Variants in RUSC2 observed in about 807,000 individuals in gnomAD.
The protein encoded by RUSC2 is AP-4 complex accessory subunit RUSC2.
In RUSC2, 34 loss-of-function variants were observed where a neutral mutation model predicts 122.2. The observed-to-expected ratio is 0.28, with a 90% CI of 0.21 to 0.37. RUSC2 has a LOEUF of 0.37. RUSC2 is among the 10% of genes least tolerant of loss of function. RUSC2 has a pLI of 1.00. For synonymous variants in RUSC2, 784 were observed against 790.0 expected (o/e 0.99, Z 0.13); for missense variants, 1,747 against 1,952.4 (o/e 0.89, Z 1.98).
intron 1 of RUSC2, among the ~76,000 whole-genome samples, chr9:35,495,090 T>C (rs1820666628): frequency 1.6e-5 from 1 of 63,040 alleles, no homozygotes; most frequent in Non-Finnish European, 2.8e-5. Flanking sequence ...GTATATATTA[T>C]ATATACTATA....
At position 35,548,530 on chromosome 9, in the gene RUSC2, C is replaced by G. The variant is rs746737978; in HGVS notation, c.2009C>G (p.Ala670Gly). 1.9e-6 allele frequency: 3 copies of G among 1,609,706 alleles called. No individual in the cohort carries two copies. Among genetic ancestry groups the G allele is most frequent in the Non-Finnish European group, 2.5e-6 (3 of 1,178,642 alleles). Residue 670 changes from alanine (A) to glycine (G), a missense_variant, in exon 2 of 12, where the codon GCT (alanine) becomes GGT (glycine). By Grantham distance (60) the Ala-to-Gly change is moderately conservative (BLOSUM62 0). Coordinates refer to ENST00000361226, the MANE Select transcript of RUSC2 (RefSeq NM_014806.5). This position sits in a 1 kb window ranked among gnomAD's most constrained non-coding sequence, Gnocchi z 4.5. Reference sequence around the variant, plus strand: ...ACCCAGAGGGATGCAAGAGCTAGAGCTGACGGTAAGGAGCCTAAGGGTTAG... The same window carrying G: ...ACCCAGAGGGATGCAAGAGCTAGAGGTGACGGTAAGGAGCCTAAGGGTTAG... ...SHTQRDARARADGGGTESRPV... is the reference protein window; with the variant it reads ...SHTQRDARARGDGGGTESRPV...
At chr9:35,545,271 A>G (rs960995000) in intron 1 of RUSC2, among the ~76,000 whole-genome samples, 2 of 152,246 alleles carry the variant, frequency 1.3e-5, no homozygotes, top group Non-Finnish European at 2.9e-5. Context: ...ATTTAGACTC[A>G]GGGTGAGTGA....
At chr9:35,551,032 G>A (rs1821882600) in intron 2 of RUSC2, among the ~76,000 whole-genome samples, 1 of 152,026 alleles carries the variant, frequency 6.6e-6, no homozygotes, top group Non-Finnish European at 1.5e-5. Flanking sequence ...TTATGCCACT[G>A]CACTCCAGTC....
intron 1 of RUSC2, among the ~76,000 whole-genome samples, chr9:35,530,819 T>TA: frequency 6.6e-6 from 1 of 151,890 alleles, no homozygotes; most frequent in East Asian, 2.0e-4. Flanking sequence ...TTTGTATTTT[T>TA]GTAGAGACAG....
chr9:35,549,021 A>C lies in RUSC2; in HGVS notation c.2014+486A>C. ...CACTCCAGCCTGGGCAGACAGAGTG[A>C]GATTCTGTCTCAAAAAAAAAAAATA... On this transcript the variant is annotated intron_variant, in intron 2 of 11. Coordinates refer to ENST00000361226, the MANE Select transcript of RUSC2 (RefSeq NM_014806.5). The C allele has an allele frequency of 3.2e-6, 3 of 946,312 alleles. No individual in the cohort carries two copies. The African/African-American group carries it at 5.3e-5, about 17-fold the overall frequency. 58.6% of individuals were successfully genotyped at this position (946,312 alleles called of 1,614,324 possible).
intron 2 of RUSC2, among the ~76,000 whole-genome samples, chr9:35,550,848 C>T (rs577423290): frequency 1.3e-5 from 2 of 151,352 alleles, no homozygotes; most frequent in African/African-American, 4.9e-5. Context: ...GGCCGAGGTG[C>T]GCGGGTCACC....
At chr9:35,497,788 G>T (rs1032781635) in intron 1 of RUSC2, among the ~76,000 whole-genome samples, 2 of 152,194 alleles carry the variant, frequency 1.3e-5, no homozygotes, top group African/African-American at 2.4e-5. Flanking sequence ...TGCAGATTCA[G>T]TCTCCTCCTT....
intron 1 of RUSC2, among the ~76,000 whole-genome samples, chr9:35,515,324 A>T (rs932529422): frequency 6.6e-6 from 1 of 152,168 alleles, no homozygotes; most frequent in Non-Finnish European, 1.5e-5. Flanking sequence ...CTACCATGTA[A>T]AAGTGTCATA....
At chr9:35,542,197 G>T (rs959104223) in intron 1 of RUSC2, among the ~76,000 whole-genome samples, 1 of 152,074 alleles carries the variant, frequency 6.6e-6, no homozygotes, top group Non-Finnish European at 1.5e-5. Context: ...GATCAGAAAG[G>T]AATAAGATCT....
intron 1 of RUSC2, among the ~76,000 whole-genome samples, chr9:35,511,690 A>G (rs1039713381): frequency 2.0e-5 from 3 of 152,236 alleles, no homozygotes; most frequent in Admixed American, 6.5e-5. Flanking sequence ...AGTGACTACA[A>G]AGATGAAGAT....
chr9:35,517,650 G>A (rs72725064), intron 1 of RUSC2, among the ~76,000 whole-genome samples: 2,499 of 152,122 alleles, frequency 0.016, 32 homozygotes, highest in African/African-American at 0.033. Context: ...TTCCTATTTC[G>A]TCTGTTCCTC....
chr9:35,560,073 G>A lies in RUSC2; in HGVS notation c.3433G>A (p.Ala1145Thr), dbSNP rs1822111268. 1.9e-6 allele frequency: 3 copies of A among 1,613,454 alleles called. No individual in the cohort carries two copies. The highest frequency in any genetic ancestry group is 2.2e-5 in the South Asian group (2 of 91,054). The change falls in exon 10 of 12, where the codon GCT becomes ACT. Residue 1145 changes from alanine to threonine, a missense_variant. Coordinates refer to ENST00000361226, the MANE Select transcript of RUSC2 (RefSeq NM_014806.5). ...CCAGCCCTGGGGCTTCCTGAGTGCA[G>A]CTCATACCGTGTGTCCCGGCCTCTT... ...HYQPWGFLSAAHTVCPGLFEE... is the reference protein window; with the variant it reads ...HYQPWGFLSATHTVCPGLFEE...
At position 35,555,566 on chromosome 9, in the gene RUSC2, C is replaced by A; in HGVS notation, c.2521C>A (p.Leu841Met). The change falls in exon 3 of 12, where the codon CTG (leucine) becomes ATG (methionine). Residue 841 changes from leucine (L) to methionine (M), a missense_variant. Physicochemically the swap from Leu to Met is conservative, Grantham distance 15 (BLOSUM62 2). Coordinates refer to ENST00000361226, the MANE Select transcript of RUSC2 (RefSeq NM_014806.5). This position sits in a 1 kb window ranked among gnomAD's most constrained non-coding sequence, Gnocchi z 4.6. Reference sequence around the variant, plus strand: ...GCCGCAGAAGGAGGATCAGAAGATACTGACCTTGACTGAGTACCGGCTCCA... The same window carrying A: ...GCCGCAGAAGGAGGATCAGAAGATAATGACCTTGACTGAGTACCGGCTCCA... ...QQPQKEDQKI[L>M]TLTEYRLHGT... 1.9e-6 allele frequency: 3 copies of A among 1,614,072 alleles called. No individual in the cohort carries two copies. The highest frequency in any genetic ancestry group is 2.5e-6 in the Non-Finnish European group (3 of 1,180,028).
At chr9:35,528,653 T>G (rs984139918) in intron 1 of RUSC2, among the ~76,000 whole-genome samples, 2 of 152,142 alleles carry the variant, frequency 1.3e-5, no homozygotes, top group East Asian at 1.9e-4. Context: ...ACCATAGGCA[T>G]GTGCCACCAC....
intron 1 of RUSC2, among the ~76,000 whole-genome samples, chr9:35,524,938 T>A (rs1316735782): frequency 6.7e-6 from 1 of 149,558 alleles, no homozygotes; most frequent in Non-Finnish European, 1.5e-5. Context: ...ACCACTGCAC[T>A]CCAGCCTGGG....
intron 1 of RUSC2, among the ~76,000 whole-genome samples, chr9:35,512,764 A>G (rs1821031820): frequency 6.6e-6 from 1 of 152,120 alleles, no homozygotes; most frequent in African/African-American, 2.4e-5. Flanking sequence ...ACATCAAGCA[A>G]AAGAGCACAG....
chr9:35,558,048 C>T lies in RUSC2; in HGVS notation c.3060+58C>T, dbSNP rs1442281470. ...CCTGCAAGCCCTCACCTGTCCCGCG[C>T]TACCACCTTCCCTTGCTGTCTTGCA... On this transcript the variant is annotated intron_variant, in intron 6 of 11. Coordinates refer to ENST00000361226, the MANE Select transcript of RUSC2 (RefSeq NM_014806.5). The surrounding 1 kb of genome is among the most constrained non-coding windows in gnomAD (Gnocchi z 4.3). The T allele has an allele frequency of 1.3e-6, 2 of 1,583,558 alleles. No homozygotes were observed. The highest frequency in any genetic ancestry group is 1.7e-6 in the Non-Finnish European group (2 of 1,152,774).
chr9:35,553,603 A>G (rs145284300), intron 2 of RUSC2, among the ~76,000 whole-genome samples: 65 of 152,324 alleles, frequency 4.3e-4, no homozygotes, highest in Admixed American at 9.8e-4. Context: ...GTGATATTTG[A>G]GCTGATGCCT....
Position 35,557,767 on chromosome 9 carries a change from C to T in RUSC2, c.2984-147C>T, listed in dbSNP as rs1014774034. On this transcript the variant is annotated intron_variant, in intron 5 of 11. Coordinates refer to ENST00000361226, the MANE Select transcript of RUSC2 (RefSeq NM_014806.5). The surrounding 1 kb of genome is among the most constrained non-coding windows in gnomAD (Gnocchi z 4.6). ...TGGGCAGAACCAGAAAAGGGCCAGG[C>T]CTGAATGTTTTGATAAGACCCATGT... 3 of 686,184 alleles carry T rather than the reference C, an allele frequency of 4.4e-6. No homozygotes were observed. The highest frequency in any genetic ancestry group is 7.9e-6 in the Non-Finnish European group (3 of 379,204). 42.5% of individuals were successfully genotyped at this position (686,184 alleles called of 1,614,324 possible).
Sources: gnomAD v4.1 joint callset for allele counts (sites outside exome capture counted in the v4.1 genomes callset) on GRCh38, gnomAD v4.1.1 for gene constraint, Gnocchi (gnomAD v3.1) non-coding constraint, MANE v1.5 for transcripts, NCBI Gene and HGNC (gene_info 2026-07-23, HGNC 2026-07-21) for gene names.